The following DNAAF8 variants were observed in gnomAD, a reference collection of about 807,000 sequenced individuals.
DNAAF8 encodes the protein dynein axonemal assembly factor 8.
DNAAF8 carries 61 observed loss-of-function variants against 54.6 expected under a neutral mutation model. That is an observed-to-expected ratio of 1.12 (90% CI 0.91 to 1.38). The LOEUF (loss-of-function observed/expected upper bound fraction) is 1.38, where lower values mean the gene tolerates loss of function less well. Ranked by LOEUF, DNAAF8 falls within the 40% of genes most tolerant of loss-of-function variation. The probability of loss-of-function intolerance (pLI) is 0.00; values close to 1 mark genes in which losing one functional copy is unlikely to be tolerated. For missense variants in DNAAF8, 837 were observed against 665.0 expected (o/e 1.26, Z -2.85); for synonymous variants, 320 against 270.1 (o/e 1.18, Z -1.81).
At position 4,736,546 on chromosome 16, in the gene DNAAF8, C is replaced by T. The variant is rs765190471; in HGVS notation, c.32C>T (p.Ser11Leu). Reference sequence around the variant, plus strand: ...TCCAACGATAAAGGCATGGCACCCTCGCTGGGCTCTCCCTGGGCCTCCCAG... The same window carrying T: ...TCCAACGATAAAGGCATGGCACCCTTGCTGGGCTCTCCCTGGGCCTCCCAG... MASNDKGMAP[S>L]LGSPWASQMG... The change falls in exon 2 of 10, where the codon TCG (serine) becomes TTG (leucine). Residue 11 changes from serine (S) to leucine (L), a missense_variant. Transcript: ENST00000299320. The T allele has an allele frequency of 9.5e-6, 15 of 1,579,542 alleles. No homozygotes were observed. The highest frequency in any genetic ancestry group is 1.7e-4 in the Middle Eastern group (1 of 5,984).
Position 4,737,810 on chromosome 16 carries a change from G to C in DNAAF8, c.140G>C (p.Gly47Ala), listed in dbSNP as rs757777580. 1 of 1,614,146 alleles carries C rather than the reference G, an allele frequency of 6.2e-7. No homozygotes were observed. Among genetic ancestry groups the C allele is most frequent in the East Asian group, 2.2e-5 (1 of 44,868 alleles). Reference protein sequence around the residue: ...LDSDSPLSDYGEEELFIFQRN... With the variant: ...LDSDSPLSDYAEEELFIFQRN... ...CTCATTTGTCCACAGTCGGACTATG[G>C]GGAAGAGGAGCTGTTCATCTTCCAG... Residue 47 changes from glycine to alanine, a missense_variant, in exon 3 of 10, where the codon GGG becomes GCG. By Grantham distance (60) the Gly-to-Ala change is moderately conservative. Transcript: ENST00000299320.
At position 4,746,480 on chromosome 16, in the gene DNAAF8, G is replaced by A; in HGVS notation, c.1149G>A (p.Gln383=). 1.2e-6 allele frequency: 2 copies of A among 1,613,786 alleles called. No individual in the cohort carries two copies. Among genetic ancestry groups the A allele is most frequent in the Non-Finnish European group, 1.7e-6 (2 of 1,180,020 alleles). Residue 383 remains glutamine (Q), a synonymous_variant, in exon 7 of 10, where the codon CAG becomes CAA. Transcript: ENST00000299320. ...CCACCATCTTTATTGACCTGCGGCA[G>A]ATGGAGCTACCAGACCACCTGTCCC... is the stretch of plus-strand genomic sequence containing the variant. The part of the protein sequence containing the change: ...ESPTIFIDLR[Q]MELPDHLSPE...
intron 3 of DNAAF8, among the ~76,000 whole-genome samples, chr16:4,739,230 A>G (rs900410242): frequency 7.0e-6 from 1 of 143,412 alleles, no homozygotes; most frequent in Non-Finnish European, 1.5e-5. Flanking sequence ...TTTACAATCA[A>G]TTACTTCAGA....
chr16:4,739,274 T>TTTTTTTTTTG (rs2081933565), intron 3 of DNAAF8, among the ~76,000 whole-genome samples: 1 of 136,500 alleles, frequency 7.3e-6, no homozygotes, highest in African/African-American at 2.7e-5. Flanking sequence ...TGTTTTTTTT[T>TTTTTTTTTTG]TTTTTTTTTT....
At chr16:4,745,452 G>C (rs1404620305) in intron 6 of DNAAF8, among the ~76,000 whole-genome samples, 1 of 152,214 alleles carries the variant, frequency 6.6e-6, no homozygotes, top group African/African-American at 2.4e-5. Context: ...CACCTGTCCT[G>C]CCACAGGGAG....
At position 4,736,623 on chromosome 16, in the gene DNAAF8, C is replaced by T. The variant is rs2142199432; in HGVS notation, c.109C>T (p.Leu37=). Reference sequence around the variant, plus strand: ...GGCTGTCAAAGACCAGCTCCCGTCTCTGGACTCAGACTCCCCTTTGGTAAG... The same window carrying T: ...GGCTGTCAAAGACCAGCTCCCGTCTTTGGACTCAGACTCCCCTTTGGTAAG... ...LKAVKDQLPS[L]DSDSPLSDYG... The change falls in exon 2 of 10, where the codon CTG becomes TTG. Residue 37 remains leucine (L), a synonymous_variant. Transcript: ENST00000299320. 2 of 1,579,578 alleles carry T rather than the reference C, an allele frequency of 1.3e-6. No homozygotes were observed. Among genetic ancestry groups the T allele is most frequent in the South Asian group, 1.1e-5 (1 of 87,044 alleles).
intron 2 of DNAAF8, among the ~76,000 whole-genome samples, chr16:4,737,096 C>T (rs936339087): frequency 6.6e-6 from 1 of 152,228 alleles, no homozygotes; most frequent in East Asian, 1.9e-4. Flanking sequence ...AAATGGCTCT[C>T]AAAGACGCTC....
intron 6 of DNAAF8, chr16:4,746,100 G>A (rs2082014016): frequency 5.5e-6 from 2 of 365,314 alleles, no homozygotes; most frequent in Non-Finnish European, 9.9e-6. Context: ...ATTTAAACTG[G>A]CTTAAATGTA....
At chr16:4,736,243 T>C (rs2081898109) in intron 1 of DNAAF8, among the ~76,000 whole-genome samples, 2 of 151,666 alleles carry the variant, frequency 1.3e-5, no homozygotes, top group South Asian at 2.1e-4. Flanking sequence ...CTATATACAT[T>C]ATATACCTGC....
chr16:4,747,137 G>A lies in DNAAF8; in HGVS notation c.1280+112G>A, dbSNP rs538784099. On this transcript the variant is annotated intron_variant, in intron 8 of 9. Coordinates refer to ENST00000299320, the MANE Select transcript of DNAAF8 (RefSeq NM_139170.3). ...GTGGTGAGGTCTTGCTGCACCCACC[G>A]CACAGGGTGAGGGGGACGGCACAGC... The A allele has an allele frequency of 3.6e-4, 437 of 1,230,056 alleles. 1 individual carries two copies. The highest frequency in any genetic ancestry group is 1.1e-3 in the Middle Eastern group (4 of 3,562). The allele number at this position is 1,230,056 out of a possible 1,614,324, so 76.2% of individuals were successfully genotyped here.
chr16:4,740,324 G>A lies in DNAAF8; in HGVS notation c.448G>A (p.Asp150Asn), dbSNP rs190713831. 3.6e-4 allele frequency: 578 copies of A among 1,613,886 alleles called. 5 individuals are homozygous for A. In the East Asian group the frequency reaches 0.011, roughly 29 times the overall value. Residue 150 changes from aspartate to asparagine, a missense_variant, in exon 4 of 10, where the codon GAC becomes AAC. Asp to Asn is a conservative substitution (Grantham distance 23). Transcript: ENST00000299320. ...GGAGCCCCCCAGGTGGCTGGAAGGC[G>A]ACCTTGGAAGCCTGTCTTTCAACAC... is the stretch of plus-strand genomic sequence containing the variant. ...AEEPPRWLEGDLGSLSFNTKG... is the reference protein window; with the variant it reads ...AEEPPRWLEGNLGSLSFNTKG...
At position 4,738,711 on chromosome 16, in the gene DNAAF8, T is replaced by G. The variant is rs150228145; in HGVS notation, c.276+765T>G. ...CAGCCTGGCCAACATGGTGAAACCC[T>G]ATCTCTACTAAAAATAAAAAAATTA... is the stretch of plus-strand genomic sequence containing the variant. On this transcript the variant is annotated intron_variant, in intron 3 of 9. Coordinates refer to ENST00000299320, the MANE Select transcript of DNAAF8 (RefSeq NM_139170.3). Among the ~76,000 whole-genome samples the G allele has an allele frequency of 1.9e-3, 282 of 152,138 alleles. 1 individual carries two copies. The highest frequency in any genetic ancestry group is 6.4e-3 in the African/African-American group (266 of 41,512).
Position 4,744,927 on chromosome 16 carries a change from C to G in DNAAF8, c.959C>G (p.Thr320Ser), listed in dbSNP as rs544091152. The G allele has an allele frequency of 1.9e-6, 3 of 1,613,890 alleles. No individual in the cohort carries two copies. The highest frequency in any genetic ancestry group is 2.5e-6 in the Non-Finnish European group (3 of 1,179,950). The change falls in exon 6 of 10, where the codon ACC (threonine) becomes AGC (serine). Residue 320 changes from threonine (T) to serine (S), a missense_variant. Coordinates refer to ENST00000299320, the MANE Select transcript of DNAAF8 (RefSeq NM_139170.3). ...ATGGAACAGCTGGCCCTCCTGTGCA[C>G]CACGCAGTCCAAGGCCTCTGCTTGT... The part of the protein sequence containing the change: ...RLMEQLALLC[T>S]TQSKASACAR...
At chr16:4,744,371 G>C (rs2081986382) in intron 5 of DNAAF8, among the ~76,000 whole-genome samples, 1 of 152,166 alleles carries the variant, frequency 6.6e-6, no homozygotes, top group South Asian at 2.1e-4. Context: ...AATCTGAAAA[G>C]CTGGAAACAA....
At chr16:4,747,071 G>T in intron 8 of DNAAF8, 46 bp downstream of exon 8, 1 of 1,476,882 alleles carries the variant, frequency 6.8e-7, no homozygotes, top group Non-Finnish European at 9.0e-7. Flanking sequence ...TCCCACCTCT[G>T]CTTTCTGCAG....
At chr16:4,741,841 T>TA (rs1375653694) in intron 4 of DNAAF8, among the ~76,000 whole-genome samples, 2 of 152,140 alleles carry the variant, frequency 1.3e-5, no homozygotes, top group Non-Finnish European at 2.9e-5. Context: ...AATGCAGAGA[T>TA]ACGCTTGTCA....
chr16:4,747,137 G>GC, intron 8 of DNAAF8, 112 bp downstream of exon 8: 2 of 1,230,076 alleles, frequency 1.6e-6, no homozygotes, highest in Non-Finnish European at 2.3e-6. Flanking sequence ...TGCACCCACC[G>GC]CACAGGGTGA....
intron 1 of DNAAF8, chr16:4,735,035 A>G (rs977544035): frequency 6.6e-6 from 1 of 152,214 alleles, no homozygotes; most frequent in African/African-American, 2.4e-5. Context: ...GAGCTCCTCA[A>G]CTTGGCGTTC....
chr16:4,734,757 G>C (rs2142194291), intron 1 of DNAAF8, 59 bp downstream of exon 1: 1 of 152,378 alleles, frequency 6.6e-6, no homozygotes, highest in East Asian at 1.9e-4. Flanking sequence ...GGGGAAATAC[G>C]GGCTGGGGGT....
Sources: gnomAD v4.1 joint callset for allele counts (sites outside exome capture counted in the v4.1 genomes callset) on GRCh38, gnomAD v4.1.1 for gene constraint, MANE v1.5 for transcripts, NCBI Gene and HGNC (gene_info 2026-07-23, HGNC 2026-07-21) for gene names.